KLHDC8A: variants seen among roughly 807,000 people sequenced by gnomAD.
The protein encoded by KLHDC8A is kelch domain containing 8A, also known as kelch domain-containing protein 8A.
KLHDC8A carries 21 observed loss-of-function variants against 33.1 expected under a neutral mutation model. The observed-to-expected ratio is 0.64, with a 90% CI of 0.45 to 0.91. The LOEUF is 0.91. Ranked by LOEUF, KLHDC8A falls within the 40% of genes least tolerant of loss-of-function variation. The pLI is 0.00. For missense variants in KLHDC8A, 435 were observed against 483.3 expected (o/e 0.90, Z 0.94); for synonymous variants, 173 against 193.5 (o/e 0.89, Z 0.88).
chr1:205,355,755 T>C (rs907890463), intron 1 of KLHDC8A, among the ~76,000 whole-genome samples: 1 of 152,136 alleles, frequency 6.6e-6, no homozygotes, highest in Non-Finnish European at 1.5e-5. Flanking sequence ...AGAACAGGGA[T>C]GTGACATCTA....
rs1464328486 is a variant in KLHDC8A at position 205,339,280 on chromosome 1, A to G, written c.671T>C (p.Leu224Ser). Residue 224 changes from leucine to serine, a missense_variant, in exon 4 of 6, where the codon TTG (leucine) becomes TCG (serine). Physicochemically the swap from Leu to Ser is moderately radical, Grantham distance 145. Transcript: ENST00000367155. The surrounding 1 kb of genome is among the most constrained non-coding windows in gnomAD (Gnocchi z 5.1). ...FSSFVTLDNH[L>S]YSLGGLRQGR... ...TTGCCGCAGGCCTCCTAGGCTGTAC[A>G]AGTGGTTGTCCAGGGTCACAAAGCT... 6.2e-7 allele frequency: 1 copy of G among 1,614,176 alleles called. No homozygotes were observed. Among genetic ancestry groups the G allele is most frequent in the East Asian group, 2.2e-5 (1 of 44,878 alleles).
At position 205,343,342 on chromosome 1, in the gene KLHDC8A, C is replaced by G; in HGVS notation, c.263G>C (p.Gly88Ala). ...GKRIMVIGGVGTNQLPLKVVE... is the reference protein window; with the variant it reads ...GKRIMVIGGVATNQLPLKVVE... ...GACCTTCAGGGGCAGCTGATTGGTG[C>G]CCACGCCCCCAATCACCATGATCCG... is the stretch of plus-strand genomic sequence containing the variant. The change falls in exon 2 of 6, where the codon GGC (glycine) becomes GCC (alanine). Residue 88 changes from glycine to alanine, a missense_variant. Transcript: ENST00000367155. 6.2e-7 allele frequency: 1 copy of G among 1,613,740 alleles called. No homozygotes were observed. Among genetic ancestry groups the G allele is most frequent in the Non-Finnish European group, 8.5e-7 (1 of 1,179,962 alleles).
At chr1:205,350,587 G>A (rs551437111) in intron 1 of KLHDC8A, among the ~76,000 whole-genome samples, 1 of 152,230 alleles carries the variant, frequency 6.6e-6, no homozygotes, top group Non-Finnish European at 1.5e-5. Context: ...CTCAGACACG[G>A]CTCTTTAAAT....
chr1:205,351,169 T>C, intron 1 of KLHDC8A: 3 of 722,136 alleles, frequency 4.2e-6, no homozygotes, highest in South Asian at 2.9e-5. Flanking sequence ...GTACATAGCA[T>C]ATATTGGGCT....
chr1:205,339,485 T>C lies in KLHDC8A; in HGVS notation c.542-76A>G. ...CAGCGACAGTGAAAAGGGTTTCCCC[T>C]TTTGACAGTTACTCATTCATACAGG... On this transcript the variant is annotated intron_variant, in intron 3 of 5. Coordinates refer to ENST00000367155, the MANE Select transcript of KLHDC8A (RefSeq NM_018203.3). The surrounding 1 kb of genome is among the most constrained non-coding windows in gnomAD (Gnocchi z 5.1). 1 of 1,469,774 alleles carries C rather than the reference T, an allele frequency of 6.8e-7. No individual in the cohort carries two copies. Among genetic ancestry groups the C allele is most frequent in the Non-Finnish European group, 9.4e-7 (1 of 1,065,652 alleles). The allele number at this position is 1,469,774 out of a possible 1,614,324, so 91.0% of individuals were successfully genotyped here.
rs559443172 is a variant in KLHDC8A at position 205,356,434 on chromosome 1, C to T, written c.-190+99G>A. The T allele has an allele frequency of 8.0e-4, 344 of 431,190 alleles. 3 individuals are homozygous for T. Among genetic ancestry groups the T allele is most frequent in the South Asian group, 5.4e-3 (330 of 61,418 alleles). 26.7% of individuals were successfully genotyped at this position (431,190 alleles called of 1,614,324 possible). On this transcript the variant is annotated intron_variant, in intron 1 of 5. Coordinates refer to ENST00000367155, the MANE Select transcript of KLHDC8A (RefSeq NM_018203.3). ...CCCCATGCCAGCCTGTCTACCTGGG[C>T]AGCCCTCCTCTCACAGACACCACTG...
chr1:205,351,092 C>T (rs1663089925), intron 1 of KLHDC8A, among the ~76,000 whole-genome samples: 2 of 152,210 alleles, frequency 1.3e-5, no homozygotes, highest in Admixed American at 1.3e-4. Context: ...TGTCTCATCC[C>T]CACCCAGGAG....
chr1:205,342,789 C>A (rs1199358870), intron 2 of KLHDC8A, among the ~76,000 whole-genome samples: 1 of 152,142 alleles, frequency 6.6e-6, no homozygotes, highest in Admixed American at 6.5e-5. Flanking sequence ...AAATGAGAAT[C>A]ACAAAACCAT....
At chr1:205,340,110 G>T (rs1158490581) in intron 2 of KLHDC8A, among the ~76,000 whole-genome samples, 1 of 151,994 alleles carries the variant, frequency 6.6e-6, no homozygotes, top group Admixed American at 6.6e-5. Flanking sequence ...GACCTCCTGG[G>T]CTCAAGAGAT....
chr1:205,339,079 C>G lies in KLHDC8A; in HGVS notation c.757+115G>C. ...GAGGGGTGCTGAGACTTCTGAGAAG[C>G]TTGCCCAGCTGGGTAAACGGCCCTG... On this transcript the variant is annotated intron_variant, in intron 4 of 5. Transcript: ENST00000367155. This position sits in a 1 kb window ranked among gnomAD's most constrained non-coding sequence, Gnocchi z 5.1. The G allele has an allele frequency of 1.2e-6, 1 of 801,540 alleles. No homozygotes were observed. Among genetic ancestry groups the G allele is most frequent in the Non-Finnish European group, 2.0e-6 (1 of 499,226 alleles). The allele number at this position is 801,540 out of a possible 1,614,324, so 49.7% of individuals were successfully genotyped here. A position where few individuals can be genotyped will look rare whatever the true frequency, so the allele number is the denominator to read the frequency against.
rs1663293234 is a variant in KLHDC8A at position 205,356,893 on chromosome 1, C to A, written c.-550G>T. 1 of 211,912 alleles carries A rather than the reference C, an allele frequency of 4.7e-6. No individual in the cohort carries two copies. The highest frequency in any genetic ancestry group is 6.5e-5 in the South Asian group (1 of 15,492). The allele number at this position is 211,912 out of a possible 1,614,324, so 13.1% of individuals were successfully genotyped here. A position where few individuals can be genotyped will look rare whatever the true frequency, so the allele number is the denominator to read the frequency against. On this transcript the variant is annotated 5_prime_UTR_variant, in exon 1 of 6. Coordinates refer to ENST00000367155, the MANE Select transcript of KLHDC8A (RefSeq NM_018203.3). The stretch of plus-strand genomic sequence containing the variant: ...CAGTGTCTCCGCGCCTCTCCCTCCA[C>A]CCAGTCTCAGCTGCAAAGGCCCGCT...
chr1:205,343,858 G>A, intron 1 of KLHDC8A, 65 bp from the exon 2 acceptor site: 1 of 482,250 alleles, frequency 2.1e-6, no homozygotes, highest in East Asian at 3.7e-5. Flanking sequence ...GGCAGCGGAT[G>A]GGCTCCGCAG....
chr1:205,347,873 A>C (rs1662989609), intron 1 of KLHDC8A, among the ~76,000 whole-genome samples: 2 of 152,170 alleles, frequency 1.3e-5, no homozygotes, highest in African/African-American at 4.8e-5. Context: ...AAACTTGAGG[A>C]TGCTCAGCCC....
In KLHDC8A at chr1:205,343,582, T is replaced by C. The variant is rs147336948; in HGVS notation, c.23A>G (p.Asp8Gly). Residue 8 changes from aspartate (D) to glycine (G), a missense_variant, in exon 2 of 6, where the codon GAC (aspartate) becomes GGC (glycine). By Grantham distance (94) the Asp-to-Gly change is moderately conservative (BLOSUM62 -1). Transcript: ENST00000367155. Reference sequence around the variant, plus strand: ...TGGCGCCAGGCGCTTCCACTGGAAGTCCTTGACGTTAGGCACCTCCATGGC... The same window carrying C: ...TGGCGCCAGGCGCTTCCACTGGAAGCCCTTGACGTTAGGCACCTCCATGGC... MEVPNVKDFQWKRLAPLP... is the reference protein window; with the variant it reads MEVPNVKGFQWKRLAPLP... 200 of 1,606,114 alleles carry C rather than the reference T, an allele frequency of 1.2e-4. No homozygotes were observed. The African/African-American group carries it at 2.5e-3, about 20-fold the overall frequency.
At chr1:205,347,439 G>A (rs780276449) in intron 1 of KLHDC8A, among the ~76,000 whole-genome samples, 4 of 152,318 alleles carry the variant, frequency 2.6e-5, no homozygotes, top group East Asian at 3.9e-4. Context: ...GAGTTTTTAC[G>A]CTGGATGTGG....
chr1:205,339,354 A>G lies in KLHDC8A; in HGVS notation c.597T>C (p.Thr199=), dbSNP rs1662724425. The stretch of plus-strand genomic sequence containing the variant: ...TGTTGGGAAACTTGGTCCAGGAGCG[A>G]GTCTCGATGTCAAAGACCTCGAAAG... ...VNAFEVFDIE[T]RSWTKFPNIP... The change falls in exon 4 of 6, where the codon ACT becomes ACC. Residue 199 remains threonine, a synonymous_variant. Coordinates refer to ENST00000367155, the MANE Select transcript of KLHDC8A (RefSeq NM_018203.3). This position sits in a 1 kb window ranked among gnomAD's most constrained non-coding sequence, Gnocchi z 5.1. 1 of 1,614,114 alleles carries G rather than the reference A, an allele frequency of 6.2e-7. No homozygotes were observed. The highest frequency in any genetic ancestry group is 8.5e-7 in the Non-Finnish European group (1 of 1,180,044).
At chr1:205,345,872 C>T (rs6686141) in intron 1 of KLHDC8A, among the ~76,000 whole-genome samples, 56,476 of 151,966 alleles carry the variant, frequency 0.37, 10,548 homozygotes, top group Middle Eastern at 0.45. Context: ...GTCAGGAATT[C>T]GAGACCAGCC....
At position 205,343,749 on chromosome 1, in the gene KLHDC8A, A is replaced by C; in HGVS notation, c.-145T>G. ...CCAGCCAGACCCCGGCCAGTGCTTC[A>C]CCGTGCCCCGAGTCTCAGCGGTCCG... is the stretch of plus-strand genomic sequence containing the variant. On this transcript the variant is annotated 5_prime_UTR_variant, in exon 2 of 6. It removes the in-frame stop codon of an upstream open reading frame in the 5' UTR. Coordinates refer to ENST00000367155, the MANE Select transcript of KLHDC8A (RefSeq NM_018203.3). The C allele has an allele frequency of 1.1e-6, 1 of 879,486 alleles. No homozygotes were observed. The highest frequency in any genetic ancestry group is 2.8e-5 in the East Asian group (1 of 35,436). 54.5% of individuals were successfully genotyped at this position (879,486 alleles called of 1,614,324 possible).
chr1:205,337,143 C>T lies in KLHDC8A; in HGVS notation c.*256G>A. ...GGAAATATTCCTGTGCCTTTCTTTG[C>T]CTGTGCAGTAAGTGAAGACTCTCTT... On this transcript the variant is annotated 3_prime_UTR_variant, in exon 6 of 6. Coordinates refer to ENST00000367155, the MANE Select transcript of KLHDC8A (RefSeq NM_018203.3). 2.0e-6 allele frequency: 1 copy of T among 508,820 alleles called. No individual in the cohort carries two copies. The highest frequency in any genetic ancestry group is 3.5e-6 in the Non-Finnish European group (1 of 283,638). The allele number at this position is 508,820 out of a possible 1,614,324, so 31.5% of individuals were successfully genotyped here.
Sources: gnomAD v4.1 joint callset for allele counts (sites outside exome capture counted in the v4.1 genomes callset) on GRCh38, gnomAD v4.1.1 for gene constraint, Gnocchi (gnomAD v3.1) non-coding constraint, MANE v1.5 for transcripts, NCBI Gene and HGNC (gene_info 2026-07-23, HGNC 2026-07-21) for gene names.